The following PKD1L1 variants were observed in gnomAD, a reference collection of about 807,000 sequenced individuals.
PKD1L1 encodes the protein polycystin-1-like protein 1.
Under a neutral mutation model 323.4 loss-of-function variants are expected in PKD1L1, and 236 were observed. That is an observed-to-expected ratio of 0.73 (90% confidence interval 0.66 to 0.81). The LOEUF is 0.81. Among genes scored for constraint, PKD1L1 ranks in the 40% least tolerant of loss-of-function variants. The pLI is 0.00. For missense variants in PKD1L1, 3,320 were observed against 3,508.0 expected (o/e 0.95, Z 1.35); for synonymous variants, 1,344 against 1,335.0 (o/e 1.01, Z -0.15).
Position 47,803,200 on chromosome 7 carries a change from G to A in PKD1L1, c.7962+10C>T. Reference sequence around the variant, plus strand: ...AAGGGAAATCACCTGATAAAGGGGAGAGTTCTTACCCCTGCTACAAAGATG... The same window carrying A: ...AAGGGAAATCACCTGATAAAGGGGAAAGTTCTTACCCCTGCTACAAAGATG... On this transcript the variant is annotated intron_variant, in intron 53 of 56. Coordinates refer to ENST00000289672, the MANE Select transcript of PKD1L1 (RefSeq NM_138295.5). 1.9e-6 allele frequency: 3 copies of A among 1,614,084 alleles called. No individual in the cohort carries two copies. Among genetic ancestry groups the A allele is most frequent in the African/African-American group, 2.7e-5 (2 of 75,066 alleles).
rs1018776848 is a variant in PKD1L1 at position 47,931,890 on chromosome 7, C to T, written c.519+46G>A. 9 of 1,583,922 alleles carry T rather than the reference C, an allele frequency of 5.7e-6. No individual in the cohort carries two copies. The Admixed American group carries it at 8.7e-5, about 15-fold the overall frequency. On this transcript the variant is annotated intron_variant, in intron 5 of 56. Coordinates refer to ENST00000289672, the MANE Select transcript of PKD1L1 (RefSeq NM_138295.5). ...CTCCCCCATATGCATCAGATGCTCA[C>T]CAGCAGCTTTCTGATGAAATTCAAT... is the stretch of plus-strand genomic sequence containing the variant.
At chr7:47,823,283 T>C (rs182236422) in intron 45 of PKD1L1, among the ~76,000 whole-genome samples, 1 of 152,218 alleles carries the variant, frequency 6.6e-6, no homozygotes, top group Non-Finnish European at 1.5e-5. Context: ...TTTTTTTGGA[T>C]GAATTAATGT....
intron 1 of PKD1L1, among the ~76,000 whole-genome samples, chr7:47,944,307 C>T (rs534054849): frequency 6.6e-6 from 1 of 152,266 alleles, no homozygotes; most frequent in South Asian, 2.1e-4. Context: ...GATGCACCTG[C>T]TCCCCCTTCA....
the PKD1L1 span, among the ~76,000 whole-genome samples, chr7:47,959,377 G>A: frequency 1.3e-5 from 2 of 148,600 alleles, no homozygotes; most frequent in African/African-American, 5.0e-5. Flanking sequence ...AGGAAGTGAG[G>A]AGCGCCTCTT....
chr7:47,892,888 C>CAAAA (rs375249798), intron 15 of PKD1L1, among the ~76,000 whole-genome samples: 3 of 146,462 alleles, frequency 2.0e-5, no homozygotes, highest in African/African-American at 7.5e-5. Flanking sequence ...AAGGGAGGGC[C>CAAAA]AAAAAAAAAG....
intron 19 of PKD1L1, among the ~76,000 whole-genome samples, chr7:47,882,304 C>A (rs978676811): frequency 5.0e-5 from 7 of 139,666 alleles, no homozygotes; most frequent in South Asian, 4.7e-4. Context: ...CTCCCTCCCT[C>A]CCTTCCTATC....
At chr7:47,874,060 G>A (rs1399267018) in intron 23 of PKD1L1, 50 bp from the exon 24 acceptor site, 2 of 1,170,370 alleles carry the variant, frequency 1.7e-6, no homozygotes, top group Admixed American at 3.8e-5. Flanking sequence ...GTGGGTTACA[G>A]AGATGCTTCT....
chr7:47,877,261 T>A (rs1437396707), intron 22 of PKD1L1, among the ~76,000 whole-genome samples: 1 of 152,148 alleles, frequency 6.6e-6, no homozygotes, highest in Non-Finnish European at 1.5e-5. Flanking sequence ...CTTGTCTCTT[T>A]GTGAAATTCT....
At chr7:47,792,929 C>T (rs1786984963) in intron 55 of PKD1L1, 132 bp from the exon 56 acceptor site, 9 of 823,782 alleles carry the variant, frequency 1.1e-5, no homozygotes, top group East Asian at 2.7e-5. Context: ...ACTGACTCTG[C>T]CTGCAGTTAG....
chr7:47,829,783 C>T (rs558322331), intron 43 of PKD1L1, among the ~76,000 whole-genome samples, 182 bp from the exon 44 acceptor site: 1 of 152,296 alleles, frequency 6.6e-6, no homozygotes, highest in East Asian at 1.9e-4. Flanking sequence ...CCCAAGAGAC[C>T]TAAATTCTCT....
At chr7:47,854,161 C>T (rs992265544) in intron 30 of PKD1L1, among the ~76,000 whole-genome samples, 1 of 152,198 alleles carries the variant, frequency 6.6e-6, no homozygotes, top group African/African-American at 2.4e-5. Context: ...GATTAAACTG[C>T]GTGCTAAGGG....
chr7:47,845,804 C>A (rs535398112), intron 32 of PKD1L1, among the ~76,000 whole-genome samples: 15 of 152,296 alleles, frequency 9.8e-5, no homozygotes, highest in Middle Eastern at 6.8e-3. Flanking sequence ...TGGTCTCAAA[C>A]TCCTAACCTC....
chr7:47,903,797 C>A (rs887966266), intron 12 of PKD1L1, among the ~76,000 whole-genome samples: 11 of 152,194 alleles, frequency 7.2e-5, no homozygotes, highest in African/African-American at 2.7e-4. Flanking sequence ...TCCTAGGACT[C>A]ACCCTAGAGG....
chr7:47,926,898 T>C (rs185825317), intron 7 of PKD1L1, among the ~76,000 whole-genome samples: 12 of 152,286 alleles, frequency 7.9e-5, no homozygotes, highest in East Asian at 3.9e-4. Context: ...GAAGCCAGCA[T>C]AGGTAGAGAG....
intron 31 of PKD1L1, among the ~76,000 whole-genome samples, chr7:47,849,958 G>A (rs1403413889): frequency 6.6e-6 from 1 of 152,142 alleles, no homozygotes; most frequent in East Asian, 1.9e-4. Context: ...TTATAAGTGG[G>A]AGATAAGCTA....
rs1331981038 is a variant in PKD1L1, at chr7:47,830,089, A to T, written c.6509T>A (p.Leu2170Gln). The T allele has an allele frequency of 6.2e-7, 1 of 1,614,148 alleles. No individual in the cohort carries two copies. The highest frequency in any genetic ancestry group is 1.1e-5 in the South Asian group (1 of 91,072). ...GQEQCVQWLH[L>Q]LSLSVVCCIF... ...ACAGCAGACCACGGAGAGGGACAGC[A>T]GGTGCAGCCACTGCACACATTGCTC... Residue 2170 changes from leucine to glutamine, a missense_variant, in exon 43 of 57, where the codon CTG (leucine) becomes CAG (glutamine). Physicochemically the swap from Leu to Gln is moderately radical, Grantham distance 113. Coordinates refer to ENST00000289672, the MANE Select transcript of PKD1L1 (RefSeq NM_138295.5).
At chr7:47,812,178 C>A in intron 49 of PKD1L1, 127 bp from the exon 50 acceptor site, 1 of 741,398 alleles carries the variant, frequency 1.3e-6, no homozygotes, top group Non-Finnish European at 2.2e-6. Flanking sequence ...CACACAGTGC[C>A]TGGGCTTCAA....
intron 13 of PKD1L1, 85 bp downstream of exon 13, chr7:47,902,294 A>G: frequency 6.6e-7 from 1 of 1,525,788 alleles, no homozygotes; most frequent in Non-Finnish European, 8.9e-7. Context: ...TCATGCCCCA[A>G]ACTCTCACCA....
chr7:47,816,042 G>A (rs905901112), intron 46 of PKD1L1, among the ~76,000 whole-genome samples: 2 of 152,166 alleles, frequency 1.3e-5, no homozygotes, highest in African/African-American at 4.8e-5. Flanking sequence ...AGGGTGGGAA[G>A]GTGTCGGGGC....
Sources: allele counts gnomAD v4.1 joint callset (sites outside exome capture counted in the v4.1 genomes callset), GRCh38; gene constraint gnomAD v4.1.1; transcripts MANE v1.5; gene names NCBI Gene and HGNC (gene_info 2026-07-23, HGNC 2026-07-21).